The following CELSR1 variants were observed in gnomAD, a reference collection of about 807,000 sequenced individuals.
CELSR1 encodes adhesion G protein-coupled receptor C1.
In CELSR1, 110 loss-of-function variants were observed where a neutral mutation model predicts 249.1. That is an observed-to-expected ratio of 0.44 (90% confidence interval 0.38 to 0.52). The LOEUF is 0.52. Ranked by LOEUF, CELSR1 falls within the 20% of genes least tolerant of loss-of-function variation. CELSR1 has a pLI of 0.00. For missense variants in CELSR1, 4,109 were observed against 4,296.4 expected (o/e 0.96, Z 1.22); for synonymous variants, 2,113 against 1,900.0 (o/e 1.11, Z -2.92).
chr22:46,421,886 C>T (rs1013767050), intron 5 of CELSR1, among the ~76,000 whole-genome samples: 4 of 152,230 alleles, frequency 2.6e-5, no homozygotes, highest in African/African-American at 9.6e-5. Flanking sequence ...CACGCAGCCA[C>T]GGAACACCTG....
In CELSR1 at chr22:46,395,871, C is replaced by T. The variant is rs570477929; in HGVS notation, c.5843+734G>A. 4.3e-4 allele frequency among the ~76,000 whole-genome samples: 66 copies of T among 152,320 alleles called. No homozygotes were observed. The highest frequency in any genetic ancestry group is 1.5e-3 in the African/African-American group (64 of 41,570). On this transcript the variant is annotated intron_variant, in intron 13 of 34. Transcript: ENST00000674500. This position sits in a 1 kb window ranked among gnomAD's most constrained non-coding sequence, Gnocchi z 5.5. ...CCCAGCGATCCCCGTGCAAAGGGTA[C>T]AGAGCCCAGAGCCCAGAGAGCACGC... is the stretch of plus-strand genomic sequence containing the variant.
In CELSR1 at chr22:46,411,520, T is replaced by G; in HGVS notation, c.4769+82A>C. The stretch of plus-strand genomic sequence containing the variant: ...GGGCACTGCACCCAGAGTGCCTACG[T>G]GGGGCCCTGCCCTGGGAAGGCCGCA... On this transcript the variant is annotated intron_variant, in intron 6 of 34. Coordinates refer to ENST00000674500, the MANE Select transcript of CELSR1 (RefSeq NM_001378328.1). This position sits in a 1 kb window ranked among gnomAD's most constrained non-coding sequence, Gnocchi z 4.2. 1 of 1,535,002 alleles carries G rather than the reference T, an allele frequency of 6.5e-7. No individual in the cohort carries two copies. Among genetic ancestry groups the G allele is most frequent in the Admixed American group, 1.9e-5 (1 of 53,574 alleles).
rs1186869793 is a variant in CELSR1 at position 46,429,670 on chromosome 22, T to C, written c.4611+3723A>G. On this transcript the variant is annotated intron_variant, in intron 5 of 34. Coordinates refer to ENST00000674500, the MANE Select transcript of CELSR1 (RefSeq NM_001378328.1). This position sits in a 1 kb window ranked among gnomAD's most constrained non-coding sequence, Gnocchi z 4.1. Reference sequence around the variant, plus strand: ...GGGTTCCCTACCCCATGGCTTCTGGTGGCTTTGGCCAGTGGGGAGCCAGAC... The same window carrying C: ...GGGTTCCCTACCCCATGGCTTCTGGCGGCTTTGGCCAGTGGGGAGCCAGAC... Among the ~76,000 whole-genome samples the C allele has an allele frequency of 1.3e-5, 2 of 152,172 alleles. No individual in the cohort carries two copies. The highest frequency in any genetic ancestry group is 2.9e-5 in the Non-Finnish European group (2 of 68,020).
rs1294386014 is a variant in CELSR1 at position 46,512,139 on chromosome 22, C to T, written c.3544+21488G>A. ...GCTCTCAGTGTGGCAAACACAGCAG[C>T]AGCAAGAGTGACGGCGGCGCTCATA... is the stretch of plus-strand genomic sequence containing the variant. On this transcript the variant is annotated intron_variant, in intron 1 of 34. Transcript: ENST00000674500. The surrounding 1 kb of genome is among the most constrained non-coding windows in gnomAD (Gnocchi z 5.2). Among the ~76,000 whole-genome samples, 1 of 152,220 alleles carries T rather than the reference C, an allele frequency of 6.6e-6. No homozygotes were observed. Among genetic ancestry groups the T allele is most frequent in the Admixed American group, 6.5e-5 (1 of 15,280 alleles).
chr22:46,365,317 G>A lies in CELSR1; in HGVS notation c.8468C>T (p.Ser2823Leu). 6.2e-7 allele frequency: 1 copy of A among 1,612,992 alleles called. No homozygotes were observed. The highest frequency in any genetic ancestry group is 8.5e-7 in the Non-Finnish European group (1 of 1,179,956). Residue 2823 changes from serine to leucine, a missense_variant, in exon 32 of 35, where the codon TCA (serine) becomes TTA (leucine). By Grantham distance (145) the Ser-to-Leu change is moderately radical. Around this residue, in one of 7 missense-constraint regions of CELSR1, gnomAD observed 1,805 missense variants for 1,831.6 expected, o/e 0.99. Transcript: ENST00000674500. ...LDEQSSSYASSHSSDSEDDGV... is the reference protein window; with the variant it reads ...LDEQSSSYASLHSSDSEDDGV... ...ATCGTCCTCGCTGTCTGACGAGTGTGAGGAGGCGTAAGAGCTGCTCTGCTC... is the reference window on the plus strand; with the variant it reads ...ATCGTCCTCGCTGTCTGACGAGTGTAAGGAGGCGTAAGAGCTGCTCTGCTC...
At chr22:46,521,696 A>G (rs2080687451) in intron 1 of CELSR1, among the ~76,000 whole-genome samples, 1 of 151,560 alleles carries the variant, frequency 6.6e-6, no homozygotes, top group South Asian at 2.1e-4. Context: ...ACACGCCTAT[A>G]ATCCCAGCTA....
At chr22:46,431,540 TCCAGGGTCC>T (rs1449298313) in intron 5 of CELSR1, among the ~76,000 whole-genome samples, 1 of 152,168 alleles carries the variant, frequency 6.6e-6, no homozygotes, top group Non-Finnish European at 1.5e-5. Flanking sequence ...GGGCACCGTC[TCCAGGGTCC>T]CCTGTGGCCC....
rs1334776544 is a variant in CELSR1 at position 46,406,457 on chromosome 22, C to T, written c.5226+2539G>A. On this transcript the variant is annotated intron_variant, in intron 9 of 34. Coordinates refer to ENST00000674500, the MANE Select transcript of CELSR1 (RefSeq NM_001378328.1). This position sits in a 1 kb window ranked among gnomAD's most constrained non-coding sequence, Gnocchi z 5.4. Reference sequence around the variant, plus strand: ...CCCTGTCCAGGCCTGAGCCCCTGCCCCACAGCCCCGACCCATCTCCTGAGC... The same window carrying T: ...CCCTGTCCAGGCCTGAGCCCCTGCCTCACAGCCCCGACCCATCTCCTGAGC... 6.6e-6 allele frequency among the ~76,000 whole-genome samples: 1 copy of T among 152,224 alleles called. No individual in the cohort carries two copies. The highest frequency in any genetic ancestry group is 1.5e-5 in the Non-Finnish European group (1 of 68,040).
Position 46,407,751 on chromosome 22 carries a change from C to A in CELSR1, c.5226+1245G>T, listed in dbSNP as rs1187685822. On this transcript the variant is annotated intron_variant, in intron 9 of 34. Transcript: ENST00000674500. This position sits in a 1 kb window ranked among gnomAD's most constrained non-coding sequence, Gnocchi z 4.8. ...TCAGGCACGGCTCCCACAGGCCACTCCCGTGCCAGGGGATGAGAATTAGGC... is the reference window on the plus strand; with the variant it reads ...TCAGGCACGGCTCCCACAGGCCACTACCGTGCCAGGGGATGAGAATTAGGC... Among the ~76,000 whole-genome samples, 1 of 152,202 alleles carries A rather than the reference C, an allele frequency of 6.6e-6. No homozygotes were observed. Among genetic ancestry groups the A allele is most frequent in the Non-Finnish European group, 1.5e-5 (1 of 68,038 alleles).
chr22:46,369,300 C>T (rs1292127339), intron 26 of CELSR1, 42 bp from the exon 27 acceptor site: 1 of 170,154 alleles, frequency 5.9e-6, no homozygotes. Flanking sequence ...TCTCTCGTCA[C>T]TGCAGACCTC....
chr22:46,529,759 T>A (rs181934401), intron 1 of CELSR1, among the ~76,000 whole-genome samples: 1 of 151,514 alleles, frequency 6.6e-6, no homozygotes, highest in South Asian at 2.1e-4. Context: ...GCCGAGATCA[T>A]GTCACTGCAC....
rs1300591936 is a variant in CELSR1 at position 46,408,693 on chromosome 22, C to T, written c.5226+303G>A. ...CTGTTTCCGCCTGAAGGCTCGGCACCTCCCTCAGTTCTGCAATGCCCACGC... is the reference window on the plus strand; with the variant it reads ...CTGTTTCCGCCTGAAGGCTCGGCACTTCCCTCAGTTCTGCAATGCCCACGC... On this transcript the variant is annotated intron_variant, in intron 9 of 34. Coordinates refer to ENST00000674500, the MANE Select transcript of CELSR1 (RefSeq NM_001378328.1). The surrounding 1 kb of genome is among the most constrained non-coding windows in gnomAD (Gnocchi z 4.6). 2.0e-5 allele frequency among the ~76,000 whole-genome samples: 3 copies of T among 152,216 alleles called. No individual in the cohort carries two copies. Among genetic ancestry groups the T allele is most frequent in the African/African-American group, 7.2e-5 (3 of 41,450 alleles).
intron 25 of CELSR1, among the ~76,000 whole-genome samples, chr22:46,371,824 C>G (rs2147183022): frequency 6.6e-6 from 1 of 150,560 alleles, no homozygotes; most frequent in East Asian, 2.0e-4. Flanking sequence ...ACTCATCTCT[C>G]CATCCCTCCA....
rs1404265161 is a variant in CELSR1 at position 46,448,872 on chromosome 22, G to A, written c.4184-9461C>T. Among the ~76,000 whole-genome samples the A allele has an allele frequency of 6.6e-6, 1 of 152,196 alleles. No individual in the cohort carries two copies. The highest frequency in any genetic ancestry group is 2.4e-5 in the African/African-American group (1 of 41,432). ...GACACAACCCAACAGCGTGGCTCAT[G>A]TGTCAGAAACTTCACTACCAGAGAA... On this transcript the variant is annotated intron_variant, in intron 2 of 34. Transcript: ENST00000674500. The surrounding 1 kb of genome is among the most constrained non-coding windows in gnomAD (Gnocchi z 5.7).
chr22:46,533,527 C>CAAA (rs2080813883), intron 1 of CELSR1, 100 bp downstream of exon 1: 2 of 1,469,472 alleles, frequency 1.4e-6, no homozygotes, highest in South Asian at 1.4e-5. Context: ...GGGCCCGGCC[C>CAAA]AATTGCGCCC....
chr22:46,523,840 T>A (rs2080710636), intron 1 of CELSR1, among the ~76,000 whole-genome samples: 1 of 152,232 alleles, frequency 6.6e-6, no homozygotes, highest in East Asian at 1.9e-4. Flanking sequence ...TACAGCTTCT[T>A]GTGACAGCTC....
rs1030367430 is a variant in CELSR1 at position 46,399,843 on chromosome 22, C to A, written c.5286G>T (p.Val1762=). 2.5e-6 allele frequency: 4 copies of A among 1,614,170 alleles called. No homozygotes were observed. Among genetic ancestry groups the A allele is most frequent in the Non-Finnish European group, 2.5e-6 (3 of 1,180,006 alleles). Residue 1762 remains valine, a synonymous_variant, in exon 10 of 35, where the codon GTG becomes GTT. Transcript: ENST00000674500. This position sits in a 1 kb window ranked among gnomAD's most constrained non-coding sequence, Gnocchi z 5.0. ...CGGTCACCCGCAACCCGGACAGCAT[C>A]ACGGACTCCACATCGGAGGGGCCGT... ...VSHGPSDVES[V]MLSGLRVTDG...
chr22:46,490,627 T>C lies in CELSR1; in HGVS notation c.3545-26282A>G, dbSNP rs556443789. On this transcript the variant is annotated intron_variant, in intron 1 of 34. Coordinates refer to ENST00000674500, the MANE Select transcript of CELSR1 (RefSeq NM_001378328.1). This position sits in a 1 kb window ranked among gnomAD's most constrained non-coding sequence, Gnocchi z 5.2. ...AATGTTCTAAGCAGAGTGAGCGTCG[T>C]GGAGCCTCCCTCAGGCATGGCTGTG... Among the ~76,000 whole-genome samples the C allele has an allele frequency of 6.6e-6, 1 of 152,164 alleles. No homozygotes were observed. Among genetic ancestry groups the C allele is most frequent in the Non-Finnish European group, 1.5e-5 (1 of 68,026 alleles).
In CELSR1 at chr22:46,473,101, G is replaced by A. The variant is rs1198361449; in HGVS notation, c.3545-8756C>T. Among the ~76,000 whole-genome samples, 2 of 152,130 alleles carry A rather than the reference G, an allele frequency of 1.3e-5. No individual in the cohort carries two copies. The highest frequency in any genetic ancestry group is 2.4e-5 in the African/African-American group (1 of 41,422). On this transcript the variant is annotated intron_variant, in intron 1 of 34. Coordinates refer to ENST00000674500, the MANE Select transcript of CELSR1 (RefSeq NM_001378328.1). This position sits in a 1 kb window ranked among gnomAD's most constrained non-coding sequence, Gnocchi z 6.6. ...GGTGGGTGAACCTCCGACTGCTGCC[G>A]GCCTCGTGGGCTCTCGGTGCAGGAC...
Sources: allele counts gnomAD v4.1 joint callset (sites outside exome capture counted in the v4.1 genomes callset), GRCh38; gene constraint gnomAD v4.1.1; regional missense constraint gnomAD v4.1.1; non-coding constraint Gnocchi (gnomAD v3.1); transcripts MANE v1.5; gene names NCBI Gene and HGNC (gene_info 2026-07-23, HGNC 2026-07-21).